DIS3L2: variants seen among roughly 807,000 people sequenced by gnomAD.
DIS3L2 encodes DIS3-like exonuclease 2.
DIS3L2 carries 34 observed loss-of-function variants against 97.5 expected under a neutral mutation model. That is an observed-to-expected ratio of 0.35 (90% CI 0.27 to 0.46). DIS3L2 has a LOEUF of 0.46. Among genes scored for constraint, DIS3L2 ranks in the 20% least tolerant of loss-of-function variants. The pLI is 1.00. For synonymous variants in DIS3L2, 435 were observed against 445.2 expected, an observed-to-expected ratio of 0.98 and a Z score of 0.29; for missense variants, 1,038 against 1,146.0, an observed-to-expected ratio of 0.91 and a Z score of 1.36.
intron 6 of DIS3L2, among the ~76,000 whole-genome samples, chr2:232,095,006 A>G (rs1696963912): frequency 6.6e-6 from 1 of 152,066 alleles, no homozygotes; most frequent in Admixed American, 6.5e-5. Context: ...GGCTTGGAAT[A>G]TCTTTTTCCA....
intron 5 of DIS3L2, among the ~76,000 whole-genome samples, chr2:232,039,791 A>T (rs1260070929): frequency 6.6e-6 from 1 of 152,176 alleles, no homozygotes; most frequent in African/African-American, 2.4e-5. Flanking sequence ...AGAACCAGGG[A>T]TAGAATCCAG....
At chr2:232,132,075 C>T (rs1698234805) in intron 7 of DIS3L2, among the ~76,000 whole-genome samples, 1 of 151,708 alleles carries the variant, frequency 6.6e-6, no homozygotes. Context: ...TTCTAAATGA[C>T]TGTAGTCAGA....
At chr2:232,261,681 TA>T (rs1005333057) in intron 12 of DIS3L2, among the ~76,000 whole-genome samples, 17 of 152,180 alleles carry the variant, frequency 1.1e-4, no homozygotes, top group Non-Finnish European at 2.1e-4. Flanking sequence ...TATATTTTCC[TA>T]AAATAGCCTT....
chr2:231,995,103 A>G (rs983766605), intron 1 of DIS3L2, among the ~76,000 whole-genome samples: 7 of 151,820 alleles, frequency 4.6e-5, no homozygotes, highest in Non-Finnish European at 1.0e-4. Flanking sequence ...CTTTATATAC[A>G]TTGTTTAAAA....
At chr2:232,056,395 A>G (rs532762789) in intron 5 of DIS3L2, among the ~76,000 whole-genome samples, 39 of 151,962 alleles carry the variant, frequency 2.6e-4, no homozygotes, top group Non-Finnish European at 4.7e-4. Context: ...AACAACAACA[A>G]CAAACAAAAA....
chr2:232,191,224 G>A (rs1691610207), intron 9 of DIS3L2, among the ~76,000 whole-genome samples: 1 of 152,188 alleles, frequency 6.6e-6, no homozygotes, highest in African/African-American at 2.4e-5. Context: ...ATTTGAGCTT[G>A]CTGGCAAGTG....
At chr2:232,255,995 A>G (rs1473161498) in intron 12 of DIS3L2, among the ~76,000 whole-genome samples, 1 of 152,162 alleles carries the variant, frequency 6.6e-6, no homozygotes, top group African/African-American at 2.4e-5. Context: ...TCTCACCTTG[A>G]CAGATACAGT....
chr2:232,011,849 C>T (rs1458406622), intron 1 of DIS3L2, among the ~76,000 whole-genome samples: 1 of 151,728 alleles, frequency 6.6e-6, no homozygotes, highest in Non-Finnish European at 1.5e-5. Context: ...CCGGGTTTCG[C>T]CATGTTGCCC....
At chr2:232,049,621 A>T (rs1460024877) in intron 5 of DIS3L2, among the ~76,000 whole-genome samples, 1 of 152,210 alleles carries the variant, frequency 6.6e-6, no homozygotes, top group African/African-American at 2.4e-5. Context: ...GACAGTCTGG[A>T]CACAGGGAAA....
At chr2:232,274,038 A>G (rs1694075830) in intron 13 of DIS3L2, among the ~76,000 whole-genome samples, 1 of 152,198 alleles carries the variant, frequency 6.6e-6, no homozygotes. Flanking sequence ...TAAGAGAGGA[A>G]GATAACTTAT....
intron 5 of DIS3L2, 108 bp from the exon 6 acceptor site, chr2:232,087,379 A>G: frequency 2.6e-6 from 2 of 773,282 alleles, no homozygotes; most frequent in Non-Finnish European, 4.1e-6. Flanking sequence ...ATTAGTGTCC[A>G]ATACCGTTAG....
intron 8 of DIS3L2, among the ~76,000 whole-genome samples, chr2:232,142,129 C>T (rs1204751999): frequency 2.0e-5 from 3 of 151,996 alleles, no homozygotes; most frequent in Admixed American, 6.5e-5. Context: ...GCTATGGACT[C>T]GCATTACCAG....
Position 232,014,819 on chromosome 2 carries a change from C to T in DIS3L2, c.-93-16C>T. 1 of 1,208,842 alleles carries T rather than the reference C, an allele frequency of 8.3e-7. No homozygotes were observed. The allele number at this position is 1,208,842 out of a possible 1,614,324, so 74.9% of individuals were successfully genotyped here. On this transcript the variant is annotated splice_polypyrimidine_tract_variant and intron_variant, in intron 1 of 20. Transcript: ENST00000325385. ...GCTTAACCGCTCTCCAATTACCAAT[C>T]TCTTCTTGGTTTCAGCGAATGACAA...
chr2:232,340,552 G>A (rs1292435869), downstream of DIS3L2, among the ~76,000 whole-genome samples: 2 of 152,212 alleles, frequency 1.3e-5, no homozygotes, highest in Admixed American at 1.3e-4. Flanking sequence ...TCAGGGGGAT[G>A]TGTGGCTAAG....
chr2:232,025,388 T>G lies in DIS3L2; in HGVS notation c.264+1058T>G, dbSNP rs370748716. Among the ~76,000 whole-genome samples the G allele has an allele frequency of 2.4e-4, 36 of 152,298 alleles. 1 individual carries two copies. The South Asian group carries it at 7.0e-3, about 30-fold the overall frequency. Reference sequence around the variant, plus strand: ...TATGCTCAAGTGATATTATTGTTATTGTTACAATAACCTTATGACCTATTC... The same window carrying G: ...TATGCTCAAGTGATATTATTGTTATGGTTACAATAACCTTATGACCTATTC... On this transcript the variant is annotated intron_variant, in intron 4 of 20. Transcript: ENST00000325385.
At chr2:232,265,018 A>G (rs1314418512) in intron 13 of DIS3L2, among the ~76,000 whole-genome samples, 1 of 152,226 alleles carries the variant, frequency 6.6e-6, no homozygotes, top group East Asian at 1.9e-4. Context: ...AAGAGAAACT[A>G]AAGGCATAGG....
At chr2:232,329,785 T>TCCCCGGGGGCCACC in intron 14 of DIS3L2, 28 bp from the exon 15 acceptor site, 1 of 967,142 alleles carries the variant, frequency 1.0e-6, no homozygotes. Context: ...ACCCCAGCGG[T>TCCCCGGGGGCCACC]CCCTCCCATC....
At position 232,064,019 on chromosome 2, in the gene DIS3L2, T is replaced by A. The variant is rs188827998; in HGVS notation, c.367-23468T>A. ...ACTTTTCCTGTGTATAGATGCTGAGTTTGCTTGGCTTTGGTATAAAAAAAA... is the reference window on the plus strand; with the variant it reads ...ACTTTTCCTGTGTATAGATGCTGAGATTGCTTGGCTTTGGTATAAAAAAAA... On this transcript the variant is annotated intron_variant, in intron 5 of 20. Coordinates refer to ENST00000325385, the MANE Select transcript of DIS3L2 (RefSeq NM_152383.5). Among the ~76,000 whole-genome samples, 596 of 152,248 alleles carry A rather than the reference T, an allele frequency of 3.9e-3. 3 individuals are homozygous for A. Among genetic ancestry groups the A allele is most frequent in the African/African-American group, 0.014 (564 of 41,542 alleles).
chr2:232,015,133 A>G (rs916925730), intron 2 of DIS3L2, among the ~76,000 whole-genome samples, 154 bp downstream of exon 2: 10 of 152,200 alleles, frequency 6.6e-5, no homozygotes, highest in Non-Finnish European at 1.2e-4. Context: ...CTAGAATTAG[A>G]TGTGGTTTCT....
Sources: allele counts gnomAD v4.1 joint callset (sites outside exome capture counted in the v4.1 genomes callset), GRCh38; gene constraint gnomAD v4.1.1; transcripts MANE v1.5; gene names NCBI Gene and HGNC (gene_info 2026-07-23, HGNC 2026-07-21).